The following SMC2 variants were observed in gnomAD, a reference collection of about 807,000 sequenced individuals.
The protein encoded by SMC2 is structural maintenance of chromosomes 2, also known as structural maintenance of chromosomes protein 2.
Under a neutral mutation model 142.6 loss-of-function variants are expected in SMC2, and 41 were observed. The observed-to-expected ratio is 0.29, with a 90% CI of 0.22 to 0.37. SMC2 has a LOEUF of 0.37. Ranked by LOEUF, SMC2 falls within the 10% of genes least tolerant of loss-of-function variation. The pLI, the probability that SMC2 is intolerant of heterozygous loss-of-function variation, is 1.00. For synonymous variants in SMC2, 463 were observed against 457.5 expected, an observed-to-expected ratio of 1.01 and a Z score of -0.15; for missense variants, 1,265 against 1,373.7, an observed-to-expected ratio of 0.92 and a Z score of 1.25.
chr9:104,121,807 C>T (rs1017793868), intron 16 of SMC2, among the ~76,000 whole-genome samples: 5 of 151,820 alleles, frequency 3.3e-5, no homozygotes, highest in African/African-American at 1.2e-4. Flanking sequence ...TTTTTTGAGA[C>T]GGAGTCTCAC....
At chr9:104,118,041 CA>C in intron 14 of SMC2, 129 bp from the exon 15 acceptor site, 1 of 645,824 alleles carries the variant, frequency 1.5e-6, no homozygotes, top group Non-Finnish European at 2.5e-6. Context: ...TTAGAAAATT[CA>C]GAAAGAGTTT....
upstream of SMC2, among the ~76,000 whole-genome samples, chr9:104,093,855 G>A (rs1830160397): frequency 7.5e-6 from 1 of 133,576 alleles, no homozygotes; most frequent in African/African-American, 2.7e-5. Flanking sequence ...AGCAATCTGA[G>A]CCAACCCGAG....
intron 15 of SMC2, among the ~76,000 whole-genome samples, chr9:104,119,172 A>G (rs1483967565): frequency 6.6e-6 from 1 of 152,208 alleles, no homozygotes; most frequent in East Asian, 1.9e-4. Flanking sequence ...CAGATTCTCC[A>G]GTACACAATC....
chr9:104,104,550 A>AG (rs113781772), intron 9 of SMC2, among the ~76,000 whole-genome samples: 8,603 of 152,208 alleles, frequency 0.057, 645 homozygotes, highest in African/African-American at 0.18. Context: ...AGGAGCAGAT[A>AG]GAACAGTCCT....
intron 16 of SMC2, among the ~76,000 whole-genome samples, chr9:104,121,808 G>A (rs550656584): frequency 2.6e-5 from 4 of 151,764 alleles, no homozygotes; most frequent in African/African-American, 9.7e-5. Context: ...TTTTTGAGAC[G>A]GAGTCTCACT....
At chr9:104,113,270 T>A in intron 10 of SMC2, 46 bp from the exon 11 acceptor site, 1 of 1,486,090 alleles carries the variant, frequency 6.7e-7, no homozygotes, top group Non-Finnish European at 9.1e-7. Context: ...TTACTAGCAC[T>A]GTCTGCCTCA....
At chr9:104,133,196 C>G (rs147662322) in intron 22 of SMC2, among the ~76,000 whole-genome samples, 49 of 151,970 alleles carry the variant, frequency 3.2e-4, no homozygotes, top group Admixed American at 1.1e-3. Context: ...ATCTTTATAT[C>G]GATCTATGAA....
chr9:104,130,372 C>G (rs1402379287), intron 21 of SMC2, among the ~76,000 whole-genome samples: 1 of 152,014 alleles, frequency 6.6e-6, no homozygotes, highest in African/African-American at 2.4e-5. Context: ...TTGGGAGGAC[C>G]TATCACTAGA....
At chr9:104,134,786 T>TA (rs34775246) in intron 23 of SMC2, among the ~76,000 whole-genome samples, 3 of 152,076 alleles carry the variant, frequency 2.0e-5, no homozygotes, top group South Asian at 2.1e-4. Context: ...AACATGTTTT[T>TA]AAAAAATCTA....
In SMC2 at chr9:104,129,836, T is replaced by C; in HGVS notation, c.2982T>C (p.Ala994=). ...NMRAMNVLTE[A]EERYNDLMKK... is the part of the protein sequence containing the mutation. ...GAGCTATGAATGTATTGACAGAAGCTGAAGAGCGAGTAAGTCAATTTCTTA... is the reference window on the plus strand; with the variant it reads ...GAGCTATGAATGTATTGACAGAAGCCGAAGAGCGAGTAAGTCAATTTCTTA... Residue 994 remains alanine, a synonymous_variant, in exon 21 of 25, where the codon GCT becomes GCC. Transcript: ENST00000374793. 2 of 1,612,886 alleles carry C rather than the reference T, an allele frequency of 1.2e-6. No homozygotes were observed. Among genetic ancestry groups the C allele is most frequent in the Non-Finnish European group, 1.7e-6 (2 of 1,179,190 alleles).
chr9:104,108,497 AC>A (rs1384068579), intron 9 of SMC2, among the ~76,000 whole-genome samples: 1 of 152,140 alleles, frequency 6.6e-6, no homozygotes. Flanking sequence ...TGCCTCAGGC[AC>A]TGTCTGAGAA....
rs933925280 is a variant in SMC2 at position 104,111,591 on chromosome 9, C to T, written c.1031C>T (p.Thr344Ile). The T allele has an allele frequency of 4.3e-6, 7 of 1,611,600 alleles. No individual in the cohort carries two copies. The highest frequency in any genetic ancestry group is 2.2e-5 in the South Asian group (2 of 90,522). The change falls in exon 10 of 25, where the codon ACT (threonine) becomes ATT (isoleucine). Residue 344 changes from threonine (T) to isoleucine (I), a missense_variant. Coordinates refer to ENST00000374793, the MANE Select transcript of SMC2 (RefSeq NM_006444.3). ...AAACTCTTCCTAAAGGACTCAAAAA[C>T]TTTAGCAGCAAAGGAAAAAGAGGTT... ...LEKNMVEDSK[T>I]LAAKEKEVKK...
At position 104,094,399 on chromosome 9, in the gene SMC2, C is replaced by A; in HGVS notation, c.-140C>A. On this transcript the variant is annotated 5_prime_UTR_variant, in exon 1 of 25. Coordinates refer to ENST00000374793, the MANE Select transcript of SMC2 (RefSeq NM_006444.3). ...GAAGTTCGCTTTGTAGCGGCCCCGG[C>A]TAGAGAGTTGTTCTGTTCCCTGCCT... 1 of 398,906 alleles carries A rather than the reference C, an allele frequency of 2.5e-6. No individual in the cohort carries two copies. The highest frequency in any genetic ancestry group is 1.3e-4 in the South Asian group (1 of 7,874). 24.7% of individuals were successfully genotyped at this position (398,906 alleles called of 1,614,324 possible).
In SMC2 at chr9:104,118,380, G is replaced by A. The variant is rs1445618121; in HGVS notation, c.1996+5G>A. 1.2e-6 allele frequency: 2 copies of A among 1,607,616 alleles called. No homozygotes were observed. Among genetic ancestry groups the A allele is most frequent in the Non-Finnish European group, 8.5e-7 (1 of 1,175,320 alleles). The stretch of plus-strand genomic sequence containing the variant: ...CTCATGGGACATTGAGTGGAGGTAA[G>A]TTTTATATCCTTTTCTCCTCACAAT... On this transcript the variant is annotated splice_donor_5th_base_variant and intron_variant, in intron 15 of 24. Coordinates refer to ENST00000374793, the MANE Select transcript of SMC2 (RefSeq NM_006444.3).
At chr9:104,114,424 T>G (rs550140107) in intron 12 of SMC2, among the ~76,000 whole-genome samples, 1 of 152,320 alleles carries the variant, frequency 6.6e-6, no homozygotes, top group African/African-American at 2.4e-5. Flanking sequence ...TTATGGAATA[T>G]TTACAGTAAT....
rs967317989 is a variant in SMC2 at position 104,102,109 on chromosome 9, G to A, written c.786G>A (p.Lys262=). 3.1e-6 allele frequency: 5 copies of A among 1,602,562 alleles called. No homozygotes were observed. The highest frequency in any genetic ancestry group is 2.6e-6 in the Non-Finnish European group (3 of 1,170,862). ...AAGAAATGCAAGATAAAGTTATAAA[G>A]CTTCAGGAAGAATTGTCTGAGAATG... The part of the protein sequence containing the change: ...ELKEMQDKVI[K]LQEELSENDK... The change falls in exon 8 of 25, where the codon AAG becomes AAA. Residue 262 remains lysine (K), a synonymous_variant. Coordinates refer to ENST00000374793, the MANE Select transcript of SMC2 (RefSeq NM_006444.3).
In SMC2 at chr9:104,098,587, T is replaced by C; in HGVS notation, c.441+19T>C. The stretch of plus-strand genomic sequence containing the variant: ...CATGCAGGTATTTCGTTTGAGGTCT[T>C]TATATCACTTTCGTAATAGTTTCGA... On this transcript the variant is annotated intron_variant, in intron 4 of 24. Coordinates refer to ENST00000374793, the MANE Select transcript of SMC2 (RefSeq NM_006444.3). The C allele has an allele frequency of 1.9e-6, 3 of 1,575,660 alleles. No homozygotes were observed. Among genetic ancestry groups the C allele is most frequent in the Non-Finnish European group, 2.6e-6 (3 of 1,167,972 alleles).
chr9:104,096,432 T>C (rs755116421), intron 3 of SMC2, 135 bp downstream of exon 3: 1 of 710,496 alleles, frequency 1.4e-6, no homozygotes, highest in Non-Finnish European at 2.4e-6. Flanking sequence ...CTAGATTCCT[T>C]AATGTCTTCC....
At chr9:104,129,426 T>G (rs1411247421) in intron 20 of SMC2, among the ~76,000 whole-genome samples, 1 of 150,868 alleles carries the variant, frequency 6.6e-6, no homozygotes, top group African/African-American at 2.4e-5. Flanking sequence ...CACTTGAACC[T>G]GGGAGGTGTA....
Sources: allele counts gnomAD v4.1 joint callset (sites outside exome capture counted in the v4.1 genomes callset), GRCh38; gene constraint gnomAD v4.1.1; transcripts MANE v1.5; gene names NCBI Gene and HGNC (gene_info 2026-07-23, HGNC 2026-07-21).